Variants in EIPR1 observed in about 807,000 individuals in gnomAD.
EIPR1 encodes the protein EARP complex and GARP complex interacting protein 1.
Under a neutral mutation model 48.1 loss-of-function variants are expected in EIPR1, and 25 were observed. The observed-to-expected ratio is 0.52, with a 90% CI of 0.38 to 0.73. The LOEUF (loss-of-function observed/expected upper bound fraction) is 0.73. Ranked by LOEUF, EIPR1 falls within the 30% of genes least tolerant of loss-of-function variation. The pLI is 0.00. For synonymous variants in EIPR1, 204 were observed against 201.9 expected (o/e 1.01, Z -0.09); for missense variants, 415 against 506.2 (o/e 0.82, Z 1.73).
intron 1 of EIPR1, among the ~76,000 whole-genome samples, chr2:3,366,151 T>A (rs535172234): frequency 6.6e-6 from 1 of 151,782 alleles, no homozygotes; most frequent in South Asian, 2.1e-4. Flanking sequence ...CTACGAAAAA[T>A]ACAAAAATTA....
At position 3,376,667 on chromosome 2, in the gene EIPR1, G is replaced by C. The variant is rs75941304; in HGVS notation, c.42+981C>G. Reference sequence around the variant, plus strand: ...GGTCACGCCACTGCACTCTAGCCTGGGCAACGGAGCAAGACTCCATCTCAA... The same window carrying C: ...GGTCACGCCACTGCACTCTAGCCTGCGCAACGGAGCAAGACTCCATCTCAA... On this transcript the variant is annotated intron_variant, in intron 1 of 8. Coordinates refer to ENST00000382125, the MANE Select transcript of EIPR1 (RefSeq NM_003310.5). Among the ~76,000 whole-genome samples, 1,289 of 148,702 alleles carry C rather than the reference G, an allele frequency of 8.7e-3. 119 individuals are homozygous for C. The East Asian group carries it at 0.2, about 23-fold the overall frequency.
At chr2:3,268,512 G>A (rs1219338962) in intron 3 of EIPR1, among the ~76,000 whole-genome samples, 4 of 152,198 alleles carry the variant, frequency 2.6e-5, no homozygotes, top group Admixed American at 2.6e-4. Flanking sequence ...GGTGACCTGA[G>A]GGAGTTTCTT....
chr2:3,232,615 T>C (rs746863651), intron 4 of EIPR1, among the ~76,000 whole-genome samples: 1 of 152,220 alleles, frequency 6.6e-6, no homozygotes, highest in African/African-American at 2.4e-5. Flanking sequence ...ATCCGTCTTT[T>C]GCCTGCTTCA....
intron 3 of EIPR1, among the ~76,000 whole-genome samples, chr2:3,291,530 ATAATT>A (rs1266638854): frequency 6.6e-5 from 10 of 152,246 alleles, no homozygotes; most frequent in African/African-American, 2.4e-4. Flanking sequence ...TAAAAACGTC[ATAATT>A]TAAAAGATAG....
chr2:3,294,735 C>A (rs1435341797), intron 3 of EIPR1, among the ~76,000 whole-genome samples: 3 of 139,296 alleles, frequency 2.2e-5, no homozygotes, highest in Admixed American at 7.2e-5. Context: ...TCCATCCAGC[C>A]ATCCTCTCTC....
intron 3 of EIPR1, among the ~76,000 whole-genome samples, chr2:3,314,953 G>A (rs1427437598): frequency 2.0e-5 from 3 of 151,884 alleles, no homozygotes; most frequent in African/African-American, 7.3e-5. Flanking sequence ...CCCTGCCCTG[G>A]CGGTGTCCAC....
At chr2:3,208,310 G>A in intron 5 of EIPR1, 1 of 628,338 alleles carries the variant, frequency 1.6e-6, no homozygotes, top group African/African-American at 1.8e-5. Flanking sequence ...AGGAGGACAG[G>A]AGAGGTCTGG....
At chr2:3,273,290 G>A (rs199799111) in intron 3 of EIPR1, among the ~76,000 whole-genome samples, 1 of 152,170 alleles carries the variant, frequency 6.6e-6, no homozygotes, top group Admixed American at 6.5e-5. Flanking sequence ...AAATAGTAAA[G>A]CTGTTGTTGA....
At chr2:3,302,648 C>T (rs897069202) in intron 3 of EIPR1, among the ~76,000 whole-genome samples, 1 of 152,262 alleles carries the variant, frequency 6.6e-6, no homozygotes, top group African/African-American at 2.4e-5. Context: ...TGCCCCATTG[C>T]AGTGGCCATT....
intron 4 of EIPR1, among the ~76,000 whole-genome samples, chr2:3,250,685 A>G (rs1666975977): frequency 6.6e-6 from 1 of 152,220 alleles, no homozygotes; most frequent in Non-Finnish European, 1.5e-5. Flanking sequence ...AGTGGGAGGT[A>G]CTGGACCACA....
chr2:3,265,917 T>C (rs1476574641), intron 3 of EIPR1, among the ~76,000 whole-genome samples: 1 of 152,240 alleles, frequency 6.6e-6, no homozygotes, highest in Non-Finnish European at 1.5e-5. Context: ...AACAGCCCCC[T>C]GCTTTGAAAG....
At chr2:3,287,448 GCGTTCACCACACTCCAGAAAGCT>G (rs1668230068) in intron 3 of EIPR1, among the ~76,000 whole-genome samples, 6 of 87,638 alleles carry the variant, frequency 6.8e-5, no homozygotes, top group East Asian at 3.9e-4. Flanking sequence ...TCCAGAAAGC[GCGTTCACCACACTCCAGAAAGCT>G]CGTTCACCAC....
chr2:3,202,085 C>A (rs1222037565), intron 5 of EIPR1, among the ~76,000 whole-genome samples: 4 of 152,190 alleles, frequency 2.6e-5, no homozygotes, highest in Middle Eastern at 6.8e-3. Flanking sequence ...CTACAGGCGC[C>A]CGCCACCACG....
intron 3 of EIPR1, among the ~76,000 whole-genome samples, chr2:3,276,543 CACAA>C (rs1667854390): frequency 1.3e-5 from 2 of 152,370 alleles, no homozygotes; most frequent in Middle Eastern, 3.4e-3. Context: ...TGGGCCACCA[CACAA>C]AGCTGGGTGT....
intron 3 of EIPR1, among the ~76,000 whole-genome samples, chr2:3,265,797 T>G (rs571849800): frequency 6.6e-6 from 1 of 152,326 alleles, no homozygotes; most frequent in South Asian, 2.1e-4. Context: ...ACACAGCCCC[T>G]TCATTTCACA....
intron 6 of EIPR1, 97 bp from the exon 7 acceptor site, chr2:3,194,263 T>A: frequency 6.8e-7 from 1 of 1,481,214 alleles, no homozygotes; most frequent in Non-Finnish European, 9.2e-7. Context: ...GGACCCTGTC[T>A]AATCCCCCGG....
intron 4 of EIPR1, among the ~76,000 whole-genome samples, chr2:3,225,701 T>C (rs1037470849): frequency 3.3e-5 from 5 of 152,196 alleles, no homozygotes; most frequent in Non-Finnish European, 7.3e-5. Flanking sequence ...CAATACACTA[T>C]TATTAACTAC....
chr2:3,355,157 C>T (rs1485954320), intron 1 of EIPR1, among the ~76,000 whole-genome samples: 1 of 152,194 alleles, frequency 6.6e-6, no homozygotes, highest in Admixed American at 6.5e-5. Flanking sequence ...AAGCCCAGCA[C>T]CTGGTCACGC....
chr2:3,268,245 T>G (rs1667552609), intron 3 of EIPR1, among the ~76,000 whole-genome samples: 1 of 152,156 alleles, frequency 6.6e-6, no homozygotes, highest in African/African-American at 2.4e-5. Context: ...CCTGGTTCCC[T>G]CTGAAGGCAC....
Sources: gnomAD v4.1 joint callset for allele counts (sites outside exome capture counted in the v4.1 genomes callset) on GRCh38, gnomAD v4.1.1 for gene constraint, MANE v1.5 for transcripts, NCBI Gene and HGNC (gene_info 2026-07-23, HGNC 2026-07-21) for gene names.